The following HDX variants were observed in gnomAD, a reference collection of about 807,000 sequenced individuals.
The protein encoded by HDX is chromosome X open reading frame 43.
A neutral mutation model predicts 45.2 loss-of-function variants in HDX; 19 were observed. That is an observed-to-expected ratio of 0.42 (90% CI 0.29 to 0.62). The LOEUF is 0.62. HDX is among the 20% of genes least tolerant of loss of function. HDX has a pLI of 0.20. For missense variants in HDX, 532 were observed against 493.9 expected, an observed-to-expected ratio of 1.08 and a Z score of -0.73; for synonymous variants, 188 against 172.8, an observed-to-expected ratio of 1.09 and a Z score of -0.69.
At chrX:84,338,143 T>A (rs989088876) in intron 7 of HDX, among the ~76,000 whole-genome samples, 1 of 110,811 alleles carries the variant, frequency 9.0e-6, no homozygotes, top group Non-Finnish European at 1.9e-5. Flanking sequence ...GAAAGAAATA[T>A]AGGGGTGCCT....
chrX:84,476,250 A>C (rs970493639), intron 2 of HDX, among the ~76,000 whole-genome samples: 18 of 111,536 alleles, frequency 1.6e-4, no homozygotes, highest in Admixed American at 3.8e-4. Context: ...CATTTCATAA[A>C]GAATCCTTGT....
intron 5 of HDX, among the ~76,000 whole-genome samples, chrX:84,423,501 AGAG>A (rs1280408621): frequency 6.8e-5 from 5 of 73,689 alleles, no homozygotes; most frequent in Non-Finnish European, 1.4e-4. Context: ...AAAAAAAAAA[AGAG>A]AGAGAGAGAG....
At chrX:84,339,670 A>G (rs777811541) in intron 7 of HDX, among the ~76,000 whole-genome samples, 136 of 111,417 alleles carry the variant, frequency 1.2e-3, no homozygotes, top group Non-Finnish European at 2.3e-3. Context: ...TGCTAATTGG[A>G]TAATAAAGTG....
chrX:84,463,331 ATT>A (rs1439909544), intron 4 of HDX, among the ~76,000 whole-genome samples: 1 of 111,304 alleles, frequency 9.0e-6, no homozygotes, highest in African/African-American at 3.3e-5. Context: ...GTAAAATAAC[ATT>A]TGAGTTGGTT....
intron 5 of HDX, among the ~76,000 whole-genome samples, chrX:84,364,017 A>T (rs139142383): frequency 1.4e-4 from 16 of 111,736 alleles, no homozygotes; most frequent in Non-Finnish European, 2.6e-4. Flanking sequence ...TTATATTGCA[A>T]TGTATAATAA....
chrX:84,360,061 G>A (rs1347159653), intron 6 of HDX, among the ~76,000 whole-genome samples: 3 of 111,309 alleles, frequency 2.7e-5, no homozygotes, highest in African/African-American at 9.8e-5. Flanking sequence ...CACAGTCTAC[G>A]AGGAACTTAA....
Position 84,468,978 on chromosome X carries a change from T to C in HDX, c.745A>G (p.Thr249Ala), listed in dbSNP as rs1227737458. ...GTTCTACAGTAAGGGTCTCTAATAG[T>C]TGGCTTTTGCCCACATAAGTTATGT... ...ALHNLCGQKPTIRDPYCRTQN... is the reference protein window; with the variant it reads ...ALHNLCGQKPAIRDPYCRTQN... The change falls in exon 4 of 11, where the codon ACT (threonine) becomes GCT (alanine). Residue 249 changes from threonine to alanine, a missense_variant. Around this residue, in one of 3 missense-constraint regions of HDX, gnomAD observed 376 missense variants for 343.7 expected, o/e 1.09. Transcript: ENST00000373177. 1 of 1,211,977 alleles carries C rather than the reference T, an allele frequency of 8.3e-7. No individual in the cohort carries two copies. Among genetic ancestry groups the C allele is most frequent in the African/African-American group, 1.7e-5 (1 of 57,802 alleles).
intron 5 of HDX, among the ~76,000 whole-genome samples, chrX:84,368,714 T>G (rs2037820840): frequency 9.0e-6 from 1 of 111,696 alleles, no homozygotes; most frequent in Non-Finnish European, 1.9e-5. Flanking sequence ...CTCTAGAACT[T>G]TTTCATATCC....
intron 9 of HDX, among the ~76,000 whole-genome samples, chrX:84,331,045 T>C (rs1445236484): frequency 1.8e-5 from 2 of 111,535 alleles, no homozygotes; most frequent in Non-Finnish European, 3.8e-5. Context: ...TTCGTCAAGA[T>C]GATAGTAAGG....
At chrX:84,410,825 T>C (rs752353187) in intron 5 of HDX, among the ~76,000 whole-genome samples, 1 of 111,834 alleles carries the variant, frequency 8.9e-6, no homozygotes, top group African/African-American at 3.2e-5. Context: ...AGGCTTTCTA[T>C]TACTGATTCA....
In HDX at chrX:84,428,205, TTCTC is replaced by T. The variant is rs769731216; in HGVS notation, c.1305+12323_1305+12326del. 5.7e-4 allele frequency among the ~76,000 whole-genome samples: 63 copies of T among 110,411 alleles called. No homozygotes were observed. In the Middle Eastern group the frequency reaches 0.014, roughly 24 times the overall value. On this transcript the variant is annotated intron_variant, in intron 5 of 10. Transcript: ENST00000373177. ...CCTTTTATCAGATAGATCTTCTATG[TTCTC>T]TCTATTTGGGCTTGTCTTTTCATTA...
At chrX:84,339,465 A>G (rs1482018472) in intron 7 of HDX, among the ~76,000 whole-genome samples, 1 of 111,622 alleles carries the variant, frequency 9.0e-6, no homozygotes, top group African/African-American at 3.3e-5. Context: ...TACTGGCAAC[A>G]TATTTTGTAC....
chrX:84,400,185 A>G (rs899938579), intron 5 of HDX, among the ~76,000 whole-genome samples: 3 of 110,117 alleles, frequency 2.7e-5, no homozygotes, highest in Non-Finnish European at 5.7e-5. Flanking sequence ...CCTATTCAAC[A>G]TAGTATTGGA....
intron 2 of HDX, among the ~76,000 whole-genome samples, chrX:84,487,288 C>T (rs1290505895): frequency 1.8e-5 from 2 of 112,042 alleles, no homozygotes; most frequent in Non-Finnish European, 1.9e-5. Context: ...GCTGTTTTAA[C>T]ACCTTTTGAT....
At chrX:84,472,912 C>T (rs1440004066) in intron 3 of HDX, among the ~76,000 whole-genome samples, 1 of 108,697 alleles carries the variant, frequency 9.2e-6, no homozygotes, top group Non-Finnish European at 1.9e-5. Context: ...CAAAATATAC[C>T]AAAGCTTATA....
intron 10 of HDX, 84 bp downstream of exon 10, chrX:84,326,094 A>T (rs1317264281): frequency 3.4e-6 from 3 of 881,283 alleles, no homozygotes; most frequent in Admixed American, 5.3e-5. Flanking sequence ...AAGTATTAAA[A>T]TGAAAACATA....
At chrX:84,341,790 G>A (rs547883992) in intron 7 of HDX, among the ~76,000 whole-genome samples, 1 of 108,039 alleles carries the variant, frequency 9.3e-6, no homozygotes, top group South Asian at 4.1e-4. Context: ...CTATTCACAG[G>A]TGCAATCAGA....
At chrX:84,403,018 T>C (rs1184488812) in intron 5 of HDX, among the ~76,000 whole-genome samples, 1 of 111,601 alleles carries the variant, frequency 9.0e-6, no homozygotes, top group Non-Finnish European at 1.9e-5. Flanking sequence ...TATTTTTTAG[T>C]TTGAAAATGT....
At chrX:84,433,329 C>G (rs2039548288) in intron 5 of HDX, among the ~76,000 whole-genome samples, 1 of 111,617 alleles carries the variant, frequency 9.0e-6, no homozygotes, top group Non-Finnish European at 1.9e-5. Context: ...TGAGGTCTCT[C>G]ATTTAGGTAT....
Sources: gnomAD v4.1 joint callset for allele counts (sites outside exome capture counted in the v4.1 genomes callset) on GRCh38, gnomAD v4.1.1 for gene constraint, gnomAD v4.1.1 regional missense constraint, MANE v1.5 for transcripts, NCBI Gene and HGNC (gene_info 2026-07-23, HGNC 2026-07-21) for gene names.